ARHGEF4: variants seen among roughly 807,000 people sequenced by gnomAD.
ARHGEF4 encodes the protein APC-stimulated guanine nucleotide exchange factor 1.
In ARHGEF4, 119 loss-of-function variants were observed where a neutral mutation model predicts 162.0. The observed-to-expected ratio is 0.73, with a 90% CI of 0.63 to 0.86. The LOEUF (loss-of-function observed/expected upper bound fraction) is 0.86, where lower values mean the gene tolerates loss of function less well. Among genes scored for constraint, ARHGEF4 ranks in the 40% least tolerant of loss-of-function variants. The pLI, the probability that ARHGEF4 is intolerant of heterozygous loss-of-function variation, is 0.00. For synonymous variants in ARHGEF4, 1,014 were observed against 979.9 expected (o/e 1.03, Z -0.65); for missense variants, 2,488 against 2,456.0 (o/e 1.01, Z -0.28).
At chr2:130,988,700 C>T (rs1573536337) in intron 4 of ARHGEF4, among the ~76,000 whole-genome samples, 1 of 151,986 alleles carries the variant, frequency 6.6e-6, no homozygotes, top group Non-Finnish European at 1.5e-5. Flanking sequence ...TATTTCTCAA[C>T]AATATTATTT....
At chr2:130,895,395 A>G (rs981173879) in intron 1 of ARHGEF4, among the ~76,000 whole-genome samples, 1 of 152,186 alleles carries the variant, frequency 6.6e-6, no homozygotes, top group Non-Finnish European at 1.5e-5. Context: ...ATCTGCTTAC[A>G]AATCTTTGTG....
chr2:131,046,072 G>A lies in ARHGEF4; in HGVS notation c.5514G>A (p.Lys1838=), dbSNP rs778507931. ...GGCCCTGCTACCTGACGCGCCAGAA[G>A]CACCCAGCCCTGCCCAGCAACCGGC... The part of the protein sequence containing the change: ...VGRPCYLTRQ[K]HPALPSNRPQ... The change falls in exon 14 of 14, where the codon AAG becomes AAA. Residue 1838 remains lysine, a synonymous_variant. Transcript: ENST00000409359. 29 of 1,612,334 alleles carry A rather than the reference G, an allele frequency of 1.8e-5. No individual in the cohort carries two copies. The South Asian group carries it at 3.2e-4, about 18-fold the overall frequency.
chr2:130,926,810 A>ATTTTTTT (rs55904944), intron 2 of ARHGEF4, among the ~76,000 whole-genome samples: 7,978 of 48,852 alleles, frequency 0.16, 3,320 homozygotes, highest in East Asian at 0.29. Flanking sequence ...CTTCTGGCTG[A>ATTTTTTT]TTTTTTTTTT....
At chr2:130,872,930 A>C (rs1394645744) in intron 1 of ARHGEF4, among the ~76,000 whole-genome samples, 1 of 152,002 alleles carries the variant, frequency 6.6e-6, no homozygotes, top group Non-Finnish European at 1.5e-5. Context: ...CACCATCCAC[A>C]TGCCTACCTG....
chr2:130,849,126 G>A (rs1681207356), intron 1 of ARHGEF4, among the ~76,000 whole-genome samples: 2 of 152,158 alleles, frequency 1.3e-5, no homozygotes, highest in Non-Finnish European at 2.9e-5. Context: ...GGGATCTGGG[G>A]CCTTGGTTCT....
chr2:130,917,340 G>C lies in ARHGEF4; in HGVS notation c.3394G>C (p.Asp1132His), dbSNP rs1681564136. ...CAGCTACGTGGACAGCAGTTCAGGG[G>C]ACCCTGAAAGACCCAAGATTCCCAA... is the stretch of plus-strand genomic sequence containing the variant. ...SYSYVDSSSG[D>H]PERPKIPKGQ... The change falls in exon 2 of 14, where the codon GAC becomes CAC. Residue 1132 changes from aspartate to histidine, a missense_variant. Transcript: ENST00000409359. 6.4e-7 allele frequency: 1 copy of C among 1,550,428 alleles called. No homozygotes were observed. The highest frequency in any genetic ancestry group is 1.4e-5 in the African/African-American group (1 of 73,036).
intron 5 of ARHGEF4, chr2:131,035,564 C>A: frequency 5.5e-6 from 4 of 729,908 alleles, no homozygotes; most frequent in Non-Finnish European, 6.8e-6. Context: ...TGGGGCTCCC[C>A]GGCTGCTTGT....
intron 1 of ARHGEF4, among the ~76,000 whole-genome samples, chr2:130,854,913 G>A (rs547258826): frequency 7.3e-5 from 11 of 150,580 alleles, no homozygotes; most frequent in Non-Finnish European, 1.2e-4. Context: ...TCACTCTGTC[G>A]CCGAGGCTGG....
At chr2:131,037,236 C>A (rs576025822) in intron 5 of ARHGEF4, among the ~76,000 whole-genome samples, 8 of 152,286 alleles carry the variant, frequency 5.3e-5, no homozygotes, top group Admixed American at 4.6e-4. Flanking sequence ...GCAGGTTTTA[C>A]CCCCAGGAAA....
chr2:130,855,851 ACCAAT>A (rs1363201372), intron 1 of ARHGEF4, among the ~76,000 whole-genome samples: 2 of 150,800 alleles, frequency 1.3e-5, no homozygotes, highest in Admixed American at 6.6e-5. Context: ...TAAACAATTG[ACCAAT>A]CAAACAACAA....
At chr2:130,841,898 T>G (rs185285582) in intron 1 of ARHGEF4, among the ~76,000 whole-genome samples, 3 of 152,230 alleles carry the variant, frequency 2.0e-5, no homozygotes, top group Non-Finnish European at 4.4e-5. Context: ...TGCCGGCTCT[T>G]GGACTCCAGC....
chr2:130,889,756 G>GAGCCA, intron 1 of ARHGEF4, among the ~76,000 whole-genome samples: 1 of 142,522 alleles, frequency 7.0e-6, no homozygotes, highest in Non-Finnish European at 1.5e-5. Flanking sequence ...AGGTTGCAGT[G>GAGCCA]AGCCAAGATC....
At chr2:130,900,783 T>C (rs1014910619) in intron 1 of ARHGEF4, among the ~76,000 whole-genome samples, 1 of 152,186 alleles carries the variant, frequency 6.6e-6, no homozygotes, top group Non-Finnish European at 1.5e-5. Flanking sequence ...CTGGATCTTA[T>C]GTTAAAAGAC....
intron 4 of ARHGEF4, among the ~76,000 whole-genome samples, chr2:130,963,041 G>A (rs887243280): frequency 1.3e-5 from 2 of 152,132 alleles, no homozygotes; most frequent in African/African-American, 4.8e-5. Flanking sequence ...AAATAGTAAT[G>A]CCCTTCCTTA....
At chr2:131,003,146 A>G (rs1430407665) in intron 4 of ARHGEF4, among the ~76,000 whole-genome samples, 1 of 152,086 alleles carries the variant, frequency 6.6e-6, no homozygotes, top group Non-Finnish European at 1.5e-5. Flanking sequence ...TCGCTGTTCT[A>G]CCTCAGGCAT....
At chr2:130,900,922 TC>T (rs1433307065) in intron 1 of ARHGEF4, among the ~76,000 whole-genome samples, 1 of 152,206 alleles carries the variant, frequency 6.6e-6, no homozygotes, top group Non-Finnish European at 1.5e-5. Flanking sequence ...TGCAATGCTA[TC>T]CTGGTTGGCT....
intron 1 of ARHGEF4, among the ~76,000 whole-genome samples, chr2:130,876,597 T>C (rs1389262244): frequency 2.0e-5 from 3 of 152,186 alleles, no homozygotes; most frequent in Non-Finnish European, 4.4e-5. Flanking sequence ...TTTCACCATG[T>C]TAGCCAGGAT....
intron 1 of ARHGEF4, among the ~76,000 whole-genome samples, chr2:130,857,150 T>C (rs1057333015): frequency 5.3e-5 from 8 of 152,128 alleles, no homozygotes; most frequent in African/African-American, 1.9e-4. Flanking sequence ...AAGAATGGCA[T>C]GAACCCGGGA....
intron 4 of ARHGEF4, among the ~76,000 whole-genome samples, chr2:131,022,122 T>C (rs976651004): frequency 6.6e-5 from 10 of 152,222 alleles, no homozygotes; most frequent in African/African-American, 2.4e-4. Context: ...TCTTGTAGTT[T>C]CTTTGTCTGG....
Sources: allele counts gnomAD v4.1 joint callset (sites outside exome capture counted in the v4.1 genomes callset), GRCh38; gene constraint gnomAD v4.1.1; transcripts MANE v1.5; gene names NCBI Gene and HGNC (gene_info 2026-07-23, HGNC 2026-07-21).